PIK3CA: variants seen among roughly 807,000 people sequenced by gnomAD.
PIK3CA encodes the protein phosphatidylinositol-4,5-bisphosphate 3-kinase catalytic subunit alpha.
A neutral mutation model predicts 138.2 loss-of-function variants in PIK3CA; 27 were observed. That is an observed-to-expected ratio of 0.20 (90% CI 0.14 to 0.27). The LOEUF is 0.27. Among genes scored for constraint, PIK3CA ranks in the 10% least tolerant of loss-of-function variants. The pLI, the probability that PIK3CA is intolerant of heterozygous loss-of-function variation, is 1.00. For missense variants in PIK3CA, 544 were observed against 1,277.4 expected, an observed-to-expected ratio of 0.43 and a Z score of 8.75; for synonymous variants, 358 against 413.2, an observed-to-expected ratio of 0.87 and a Z score of 1.62.
At position 179,238,667 on chromosome 3, in the gene PIK3CA, G is replaced by A. The variant is rs1725379054; in HGVS notation, c.*4303G>A. Reference sequence around the variant, plus strand: ...ATCGTTGGTCCAGCCATTTGAAAAAGGCAATAGTTTGAGGAGGTTCCCGAA... The same window carrying A: ...ATCGTTGGTCCAGCCATTTGAAAAAAGCAATAGTTTGAGGAGGTTCCCGAA... On this transcript the variant is annotated 3_prime_UTR_variant, in exon 21 of 21. Transcript: ENST00000263967. The A allele has an allele frequency of 4.4e-6, 1 of 226,108 alleles. No homozygotes were observed. The highest frequency in any genetic ancestry group is 5.7e-5 in the Admixed American group (1 of 17,546). 14.0% of individuals were successfully genotyped at this position (226,108 alleles called of 1,614,324 possible).
Position 179,237,191 on chromosome 3 carries a change from CTTA to C in PIK3CA, c.*2830_*2832del, listed in dbSNP as rs1725348524. 1 of 195,422 alleles carries C rather than the reference CTTA, an allele frequency of 5.1e-6. No individual in the cohort carries two copies. The highest frequency in any genetic ancestry group is 2.3e-5 in the African/African-American group (1 of 43,210). The allele number at this position is 195,422 out of a possible 1,614,324, so 12.1% of individuals were successfully genotyped here. A position where few individuals can be genotyped will look rare whatever the true frequency, so the allele number is the denominator to read the frequency against. ...TACTGTTAATTTGAAATCTGTTACT[CTTA>C]TTGTGGAATTTGTTTTTTTAAAAAA... On this transcript the variant is annotated 3_prime_UTR_variant, in exon 21 of 21. Transcript: ENST00000263967.
chr3:179,161,589 C>T (rs527841157), intron 1 of PIK3CA, among the ~76,000 whole-genome samples: 9 of 152,198 alleles, frequency 5.9e-5, no homozygotes, highest in East Asian at 5.8e-4. Context: ...TCCCAGCTAT[C>T]GGGAGGCTTA....
chr3:179,236,331 G>C lies in PIK3CA; in HGVS notation c.*1967G>C. ...GATAGTTAAGCAGAATTTAAACTCTGTTTTAAGCAGGAAACCAGAAAGATT... is the reference window on the plus strand; with the variant it reads ...GATAGTTAAGCAGAATTTAAACTCTCTTTTAAGCAGGAAACCAGAAAGATT... On this transcript the variant is annotated 3_prime_UTR_variant, in exon 21 of 21. Transcript: ENST00000263967. 1 of 209,748 alleles carries C rather than the reference G, an allele frequency of 4.8e-6. No homozygotes were observed. The allele number at this position is 209,748 out of a possible 1,614,324, so 13.0% of individuals were successfully genotyped here. A position where few individuals can be genotyped will look rare whatever the true frequency, so the allele number is the denominator to read the frequency against.
At chr3:179,209,769 T>G in intron 7 of PIK3CA, 69 bp downstream of exon 7, 1 of 761,004 alleles carries the variant, frequency 1.3e-6, no homozygotes, top group Non-Finnish European at 2.1e-6. Context: ...TGATTGAATT[T>G]TTTCACAAAT....
At position 179,236,056 on chromosome 3, in the gene PIK3CA, C is replaced by T. The variant is rs979691863; in HGVS notation, c.*1692C>T. ...GGAAAACAACTTTATAAAGAGTGAA[C>T]ATTGTATACTCTAGTAAAACAGCAT... On this transcript the variant is annotated 3_prime_UTR_variant, in exon 21 of 21. Transcript: ENST00000263967. The T allele has an allele frequency of 3.9e-5, 8 of 206,348 alleles. No homozygotes were observed. The highest frequency in any genetic ancestry group is 7.9e-5 in the Non-Finnish European group (8 of 101,112). 12.8% of individuals were successfully genotyped at this position (206,348 alleles called of 1,614,324 possible). A position where few individuals can be genotyped will look rare whatever the true frequency, so the allele number is the denominator to read the frequency against.
intron 1 of PIK3CA, among the ~76,000 whole-genome samples, chr3:179,164,593 C>T (rs141522638): frequency 1.1e-4 from 16 of 152,234 alleles, no homozygotes; most frequent in Admixed American, 5.2e-4. Flanking sequence ...ACCGGCTGGG[C>T]GTGGTGCCTC....
At chr3:179,190,054 G>C (rs760688066) in intron 1 of PIK3CA, among the ~76,000 whole-genome samples, 1 of 152,182 alleles carries the variant, frequency 6.6e-6, no homozygotes, top group Admixed American at 6.5e-5. Context: ...AAGGATACTT[G>C]CTTCCTGTGC....
At chr3:179,170,076 G>GCACACACGCGCGCGCGCACA (rs1553815520) in intron 1 of PIK3CA, among the ~76,000 whole-genome samples, 3 of 139,210 alleles carry the variant, frequency 2.2e-5, no homozygotes, top group Non-Finnish European at 4.6e-5. Context: ...ACGCGCGCGC[G>GCACACACGCGCGCGCGCACA]CACACACACA....
At chr3:179,227,468 A>C (rs955974607) in intron 17 of PIK3CA, among the ~76,000 whole-genome samples, 2 of 152,042 alleles carry the variant, frequency 1.3e-5, no homozygotes, top group African/African-American at 4.8e-5. Context: ...GTGTAAGAGA[A>C]GTCATCAAAG....
chr3:179,203,809 CTTA>C lies in PIK3CA; in HGVS notation c.1059+26_1059+28del, dbSNP rs768866481. ...GATAAGGTAAAGTCAAATGCTGATG[CTTA>C]TTATTTTATAGAAATTATTTTAGAT... On this transcript the variant is annotated intron_variant, in intron 5 of 20. Coordinates refer to ENST00000263967, the MANE Select transcript of PIK3CA (RefSeq NM_006218.4). 4.1e-5 allele frequency: 64 copies of C among 1,545,380 alleles called. No individual in the cohort carries two copies. Among genetic ancestry groups the C allele is most frequent in the Middle Eastern group, 4.1e-4 (2 of 4,914 alleles).
In PIK3CA at chr3:179,237,191, C is replaced by T. The variant is rs1725348407; in HGVS notation, c.*2827C>T. ...TACTGTTAATTTGAAATCTGTTACT[C>T]TTATTGTGGAATTTGTTTTTTTAAA... On this transcript the variant is annotated 3_prime_UTR_variant, in exon 21 of 21. Transcript: ENST00000263967. The T allele has an allele frequency of 5.1e-6, 1 of 195,422 alleles. No individual in the cohort carries two copies. Among genetic ancestry groups the T allele is most frequent in the South Asian group, 1.9e-4 (1 of 5,194 alleles). The allele number at this position is 195,422 out of a possible 1,614,324, so 12.1% of individuals were successfully genotyped here.
intron 1 of PIK3CA, among the ~76,000 whole-genome samples, chr3:179,163,158 TTAAA>T (rs1435924951): frequency 6.6e-6 from 1 of 152,174 alleles, no homozygotes; most frequent in Admixed American, 6.5e-5. Flanking sequence ...TTTGAGAGTA[TTAAA>T]TACTTAGGAA....
intron 1 of PIK3CA, among the ~76,000 whole-genome samples, chr3:179,162,472 A>G (rs1723309629): frequency 1.3e-5 from 2 of 152,072 alleles, no homozygotes; most frequent in Admixed American, 6.5e-5. Context: ...CAGTCTCCCA[A>G]AGTGTTGGGA....
rs1395922029 is a variant in PIK3CA at position 179,220,557 on chromosome 3, A to G, written c.2016-429A>G. On this transcript the variant is annotated intron_variant, in intron 13 of 20. Transcript: ENST00000263967. This position sits in a 1 kb window ranked among gnomAD's most constrained non-coding sequence, Gnocchi z 4.1. Reference sequence around the variant, plus strand: ...AAATTTAGAAGCAGATTTATATCTAATATGATATTTTAAGTGTTAAAATTT... The same window carrying G: ...AAATTTAGAAGCAGATTTATATCTAGTATGATATTTTAAGTGTTAAAATTT... 6.6e-6 allele frequency among the ~76,000 whole-genome samples: 1 copy of G among 152,210 alleles called. No individual in the cohort carries two copies. Among genetic ancestry groups the G allele is most frequent in the South Asian group, 2.1e-4 (1 of 4,834 alleles).
rs35995073 is a variant in PIK3CA at position 179,150,170 on chromosome 3, C to CGTGTGTGTGTGTGT, written c.-77+1586_-77+1599dup. Among the ~76,000 whole-genome samples the CGTGTGTGTGTGTGT allele has an allele frequency of 2.6e-3, 386 of 147,148 alleles. 1 individual carries two copies. Among genetic ancestry groups the CGTGTGTGTGTGTGT allele is most frequent in the East Asian group, 0.014 (72 of 4,982 alleles). On this transcript the variant is annotated intron_variant, in intron 1 of 20. Transcript: ENST00000263967. ...ATCTGAAGAGGACTGTGTGTGTTTA[C>CGTGTGTGTGTGTGT]GTGTGTGTGTGTGTGTGTGTGTGTG...
chr3:179,183,186 A>ATT (rs1386918512), intron 1 of PIK3CA, among the ~76,000 whole-genome samples: 1 of 152,218 alleles, frequency 6.6e-6, no homozygotes, highest in Non-Finnish European at 1.5e-5. Flanking sequence ...TGCAATGGAC[A>ATT]TTTTCATTAT....
At chr3:179,228,041 T>C (rs1180813577) in intron 17 of PIK3CA, among the ~76,000 whole-genome samples, 1 of 152,100 alleles carries the variant, frequency 6.6e-6, no homozygotes, top group Non-Finnish European at 1.5e-5. Flanking sequence ...ACATGGATAT[T>C]TGGCAGACAT....
At chr3:179,203,821 T>C (rs1220173629) in intron 5 of PIK3CA, 32 bp downstream of exon 5, 1 of 1,491,580 alleles carries the variant, frequency 6.7e-7, no homozygotes, top group Admixed American at 1.9e-5. Context: ...TATTATTTTA[T>C]AGAAATTATT....
At position 179,229,344 on chromosome 3, in the gene PIK3CA, T is replaced by C. The variant is rs1440145288; in HGVS notation, c.2568T>C (p.Thr856=). 1 of 1,613,362 alleles carries C rather than the reference T, an allele frequency of 6.2e-7. No individual in the cohort carries two copies. The part of the protein sequence containing the change: ...GLIEVVRNSH[T]IMQIQCKGGL... ...TTGAGGTGGTGCGAAATTCTCACACTATTATGCAAATTCAGTGCAAAGGCG... is the reference window on the plus strand; with the variant it reads ...TTGAGGTGGTGCGAAATTCTCACACCATTATGCAAATTCAGTGCAAAGGCG... The change falls in exon 18 of 21, where the codon ACT becomes ACC. Residue 856 remains threonine (T), a synonymous_variant. Coordinates refer to ENST00000263967, the MANE Select transcript of PIK3CA (RefSeq NM_006218.4).
Sources: allele counts gnomAD v4.1 joint callset (sites outside exome capture counted in the v4.1 genomes callset), GRCh38; gene constraint gnomAD v4.1.1; non-coding constraint Gnocchi (gnomAD v3.1); transcripts MANE v1.5; gene names NCBI Gene and HGNC (gene_info 2026-07-23, HGNC 2026-07-21).